The following PLXNA1 variants were observed in gnomAD, a reference collection of about 807,000 sequenced individuals.
PLXNA1 encodes plexin A1, also known as plexin-A1.
Under a neutral mutation model 191.7 loss-of-function variants are expected in PLXNA1, and 77 were observed. That is an observed-to-expected ratio of 0.40 (90% confidence interval 0.33 to 0.49). The LOEUF (loss-of-function observed/expected upper bound fraction) is 0.49, where lower values mean the gene tolerates loss of function less well. PLXNA1 is among the 20% of genes least tolerant of loss of function. PLXNA1 has a pLI of 0.63. For synonymous variants in PLXNA1, 1,137 were observed against 1,156.4 expected (o/e 0.98, Z 0.34); for missense variants, 2,110 against 2,660.2 (o/e 0.79, Z 4.55).
rs370477687 is a variant in PLXNA1, at chr3:127,017,812, T to A, written c.3580T>A (p.Ser1194Thr). ...SRLNYTVLIG[S>T]TPCTLTVSET... ...ACTCAACTACACGGTGCTCATCGGC[T>A]CCACACCCTGTACCCTCACCGTGTC... The change falls in exon 19 of 32, where the codon TCC (serine) becomes ACC (threonine). Residue 1194 changes from serine (S) to threonine (T), a missense_variant. By Grantham distance (58) the Ser-to-Thr change is moderately conservative. Coordinates refer to ENST00000393409, the MANE Select transcript of PLXNA1 (RefSeq NM_032242.4). The A allele has an allele frequency of 1.4e-5, 22 of 1,612,914 alleles. No homozygotes were observed. The highest frequency in any genetic ancestry group is 1.7e-5 in the Non-Finnish European group (20 of 1,180,002).
rs1366688220 is a variant in PLXNA1, at chr3:127,029,861, C to A, written c.4871-13C>A. 6.3e-7 allele frequency: 1 copy of A among 1,590,908 alleles called. No homozygotes were observed. The highest frequency in any genetic ancestry group is 1.7e-5 in the Admixed American group (1 of 59,158). On this transcript the variant is annotated splice_polypyrimidine_tract_variant and intron_variant, in intron 27 of 31. Coordinates refer to ENST00000393409, the MANE Select transcript of PLXNA1 (RefSeq NM_032242.4). ...TGCCAGCCAACGCGGGCGCTGACAG[C>A]CTGGTGCTGCAGAGAGCATGCTGCG...
At chr3:126,991,699 A>T in intron 3 of PLXNA1, 133 bp downstream of exon 3, 1 of 987,996 alleles carries the variant, frequency 1.0e-6, no homozygotes, top group Non-Finnish European at 1.4e-6. Context: ...GGCAGGGGGA[A>T]TGTTGCCCTA....
Position 127,017,738 on chromosome 3 carries a change from A to G in PLXNA1, c.3517-11A>G, listed in dbSNP as rs2079131598. The stretch of plus-strand genomic sequence containing the variant: ...TCGTCCTGGGCTCTGGCTCACCCCC[A>G]TCTCCTACAGGGCCGGAACCTCTTG... On this transcript the variant is annotated splice_polypyrimidine_tract_variant and intron_variant, in intron 18 of 31. Coordinates refer to ENST00000393409, the MANE Select transcript of PLXNA1 (RefSeq NM_032242.4). 6.2e-7 allele frequency: 1 copy of G among 1,612,916 alleles called. No homozygotes were observed. Among genetic ancestry groups the G allele is most frequent in the South Asian group, 1.1e-5 (1 of 91,070 alleles).
chr3:127,027,857 T>A, intron 23 of PLXNA1, 83 bp from the exon 24 acceptor site: 4 of 1,577,042 alleles, frequency 2.5e-6, no homozygotes, highest in Non-Finnish European at 3.5e-6. Flanking sequence ...AGGAACACCA[T>A]GGCTGGCACT....
chr3:127,029,061 G>C lies in PLXNA1; in HGVS notation c.4738G>C (p.Asp1580His). 4 of 1,613,800 alleles carry C rather than the reference G, an allele frequency of 2.5e-6. No homozygotes were observed. Among genetic ancestry groups the C allele is most frequent in the Non-Finnish European group, 3.4e-6 (4 of 1,179,922 alleles). Reference protein sequence around the residue: ...DEDVTTKIDNDWKRLNTLAHY... With the variant: ...DEDVTTKIDNHWKRLNTLAHY... ...GGACGTCACCACCAAGATTGACAAC[G>C]ATTGGAAGAGGCTGAACACACTGGC... The change falls in exon 26 of 32, where the codon GAT becomes CAT. Residue 1580 changes from aspartate (D) to histidine (H), a missense_variant. Physicochemically the swap from Asp to His is moderately conservative, Grantham distance 81. This residue lies in a region of PLXNA1 where 559 missense variants were observed against 911.5 expected (regional missense o/e 0.61). Coordinates refer to ENST00000393409, the MANE Select transcript of PLXNA1 (RefSeq NM_032242.4).
intron 20 of PLXNA1, 130 bp downstream of exon 20, chr3:127,018,658 G>C: frequency 2.6e-6 from 2 of 758,484 alleles, no homozygotes; most frequent in Non-Finnish European, 4.3e-6. Flanking sequence ...TGATAGCCTT[G>C]CTGTGCCAGA....
rs2078976811 is a variant in PLXNA1, at chr3:126,989,211, C to T, written c.618C>T (p.Leu206=). The T allele has an allele frequency of 2.5e-6, 4 of 1,613,676 alleles. No individual in the cohort carries two copies. Among genetic ancestry groups the T allele is most frequent in the Non-Finnish European group, 2.5e-6 (3 of 1,180,050 alleles). ...EYFPTLSSRR[L]MANEEDADMF... The stretch of plus-strand genomic sequence containing the variant: ...TCCCCACACTGTCCAGCCGTCGGCT[C>T]ATGGCCAACGAGGAGGATGCCGACA... Residue 206 remains leucine, a synonymous_variant, in exon 2 of 32, where the codon CTC becomes CTT. Coordinates refer to ENST00000393409, the MANE Select transcript of PLXNA1 (RefSeq NM_032242.4).
At chr3:127,007,230 C>G (rs2079073756) in intron 8 of PLXNA1, among the ~76,000 whole-genome samples, 1 of 152,094 alleles carries the variant, frequency 6.6e-6, no homozygotes, top group African/African-American at 2.4e-5. Flanking sequence ...GGTGCCAGCC[C>G]TGTGCAAGGC....
chr3:127,004,694 G>T lies in PLXNA1; in HGVS notation c.1602G>T (p.Trp534Cys). 1 of 1,589,658 alleles carries T rather than the reference G, an allele frequency of 6.3e-7. No individual in the cohort carries two copies. The highest frequency in any genetic ancestry group is 8.6e-7 in the Non-Finnish European group (1 of 1,168,764). Residue 534 changes from tryptophan (W) to cysteine (C), a missense_variant, in exon 5 of 32, where the codon TGG (tryptophan) becomes TGT (cysteine). Transcript: ENST00000393409. The part of the protein sequence containing the change: ...CLGSRDPHCG[W>C]CVLHSICSRR... ...GGTCACGGGACCCCCACTGTGGCTG[G>T]TGTGTCCTGCACAGCATGTGAGTCT...
At chr3:127,008,494 A>G (rs954474545) in intron 9 of PLXNA1, among the ~76,000 whole-genome samples, 2 of 152,200 alleles carry the variant, frequency 1.3e-5, no homozygotes, top group African/African-American at 4.8e-5. Flanking sequence ...CTTCTGGAAC[A>G]TGAGGCGCTT....
At chr3:127,030,136 G>A (rs2079201000) in intron 28 of PLXNA1, 72 bp downstream of exon 28, 2 of 1,591,460 alleles carry the variant, frequency 1.3e-6, no homozygotes, top group African/African-American at 1.3e-5. Context: ...CAAGCCCAGA[G>A]CAAGGGCCTC....
chr3:126,993,715 CAG>C (rs1431850678), intron 3 of PLXNA1, among the ~76,000 whole-genome samples: 2 of 152,244 alleles, frequency 1.3e-5, no homozygotes, highest in African/African-American at 4.8e-5. Flanking sequence ...GCTGGCCTGG[CAG>C]AGTCTGCAGT....
rs758720685 is a variant in PLXNA1, at chr3:127,017,391, G to A, written c.3277-34G>A. On this transcript the variant is annotated intron_variant, in intron 17 of 31. Coordinates refer to ENST00000393409, the MANE Select transcript of PLXNA1 (RefSeq NM_032242.4). ...TGGGAGCTGCCGGGCCACTCGCGGA[G>A]GTCCCGCCCAGCATCCCCACCCTGT... is the stretch of plus-strand genomic sequence containing the variant. 3 of 1,601,278 alleles carry A rather than the reference G, an allele frequency of 1.9e-6. 1 individual carries two copies. Among genetic ancestry groups the A allele is most frequent in the Middle Eastern group, 4.2e-4 (2 of 4,730 alleles).
intron 9 of PLXNA1, 148 bp downstream of exon 9, chr3:127,008,061 T>A (rs1044302185): frequency 1.2e-5 from 7 of 576,094 alleles, no homozygotes; most frequent in Non-Finnish European, 3.0e-6. Flanking sequence ...ACCACCAGGC[T>A]GGGTCAGTGA....
intron 27 of PLXNA1, 58 bp downstream of exon 27, chr3:127,029,594 C>G (rs373529132): frequency 6.4e-7 from 1 of 1,554,640 alleles, no homozygotes; most frequent in East Asian, 2.2e-5. Flanking sequence ...CTGGGCAGGA[C>G]GTCCCCCGGG....
intron 3 of PLXNA1, among the ~76,000 whole-genome samples, chr3:126,996,809 G>A (rs1020227297): frequency 1.3e-5 from 2 of 152,200 alleles, no homozygotes; most frequent in Admixed American, 6.5e-5. Flanking sequence ...CACTGTTGGC[G>A]TTCTTTGGGG....
chr3:127,001,594 C>T (rs529782673), intron 3 of PLXNA1, among the ~76,000 whole-genome samples: 66 of 152,328 alleles, frequency 4.3e-4, no homozygotes, highest in Non-Finnish European at 8.4e-4. Flanking sequence ...AGGTTGGAGC[C>T]GCAGGTCTGC....
intron 1 of PLXNA1, among the ~76,000 whole-genome samples, chr3:126,984,949 G>A (rs2078950669): frequency 2.0e-5 from 3 of 152,168 alleles, no homozygotes; most frequent in Admixed American, 2.0e-4. Context: ...GGACTGGTCG[G>A]GAGCAGAACC....
chr3:127,008,003 C>T (rs1211423536), intron 9 of PLXNA1, 90 bp downstream of exon 9: 2 of 813,318 alleles, frequency 2.5e-6, no homozygotes, highest in Non-Finnish European at 2.0e-6. Flanking sequence ...TGAGGCCTGG[C>T]CCAGGGAGCA....
Sources: gnomAD v4.1 joint callset for allele counts (sites outside exome capture counted in the v4.1 genomes callset) on GRCh38, gnomAD v4.1.1 for gene constraint, gnomAD v4.1.1 regional missense constraint, MANE v1.5 for transcripts, NCBI Gene and HGNC (gene_info 2026-07-23, HGNC 2026-07-21) for gene names.